The following COL5A2 variants were observed in gnomAD, a reference collection of about 807,000 sequenced individuals.
COL5A2 encodes the protein collagen type V alpha 2 chain.
A neutral mutation model predicts 208.2 loss-of-function variants in COL5A2; 23 were observed. That is an observed-to-expected ratio of 0.11 (90% CI 0.08 to 0.16). The LOEUF is 0.16. Ranked by LOEUF, COL5A2 falls within the 10% of genes least tolerant of loss-of-function variation. COL5A2 has a pLI of 1.00. For synonymous variants in COL5A2, 625 were observed against 628.5 expected (o/e 0.99, Z 0.08); for missense variants, 1,590 against 1,956.4 (o/e 0.81, Z 3.53).
rs1131518 is a variant in COL5A2 at position 189,033,678 on chromosome 2, A to G, written c.*392T>C. 24,374 of 265,014 alleles carry G rather than the reference A, an allele frequency of 0.092. 1,376 individuals are homozygous for G. The highest frequency in any genetic ancestry group is 0.16 in the South Asian group (3,830 of 23,548). 16.4% of individuals were successfully genotyped at this position (265,014 alleles called of 1,614,324 possible). ...CAAAATAAACATGTGTTGTGGCTCT[A>G]TATACCCCACTCTTTAAGCTACCTG... On this transcript the variant is annotated 3_prime_UTR_variant, in exon 54 of 54. Transcript: ENST00000374866.
chr2:189,139,971 G>C (rs1687904865), intron 1 of COL5A2, among the ~76,000 whole-genome samples: 1 of 151,998 alleles, frequency 6.6e-6, no homozygotes, highest in East Asian at 1.9e-4. Flanking sequence ...TGCTCAGGAG[G>C]CTGAGGCAGA....
At chr2:189,051,628 TAAACAAAACA>T in intron 41 of COL5A2, 147 bp from the exon 42 acceptor site, 1 of 626,560 alleles carries the variant, frequency 1.6e-6, no homozygotes, top group Non-Finnish European at 2.5e-6. Context: ...CTATAGGATT[TAAACAAAACA>T]AAACAAAAGA....
the COL5A2 span, among the ~76,000 whole-genome samples, chr2:189,437,906 A>C: frequency 6.6e-6 from 1 of 152,300 alleles, no homozygotes; most frequent in South Asian, 2.1e-4. Context: ...GTTGAAGGGA[A>C]CAGAAACATA....
the COL5A2 span, among the ~76,000 whole-genome samples, chr2:189,289,358 A>C: frequency 2.6e-5 from 4 of 152,194 alleles, no homozygotes; most frequent in African/African-American, 9.6e-5. Flanking sequence ...AGAAAAAAGA[A>C]AAAAAGAAAA....
rs755629261 is a variant in COL5A2, at chr2:189,057,066, T to A, written c.2338-40A>T. The A allele has an allele frequency of 1.0e-5, 16 of 1,591,704 alleles. No individual in the cohort carries two copies. In the South Asian group the frequency reaches 1.8e-4, roughly 18 times the overall value. On this transcript the variant is annotated intron_variant, in intron 34 of 53. Transcript: ENST00000374866. ...AAAATACAATTGATTCATTTAATTG[T>A]CTCTTTCCCACACTTGTGTGTAAGT...
At chr2:189,434,869 G>T in the COL5A2 span, among the ~76,000 whole-genome samples, 1 of 152,134 alleles carries the variant, frequency 6.6e-6, no homozygotes, top group Non-Finnish European at 1.5e-5. Context: ...TCATTGCCAA[G>T]ACAATCCTAA....
intron 1 of COL5A2, among the ~76,000 whole-genome samples, chr2:189,147,141 G>A (rs1270733985): frequency 2.6e-5 from 4 of 152,058 alleles, no homozygotes; most frequent in African/African-American, 9.7e-5. Context: ...TTCTTTTGAC[G>A]ATTTCAACAC....
intron 1 of COL5A2, among the ~76,000 whole-genome samples, chr2:189,188,543 C>T (rs1048153774): frequency 1.3e-5 from 2 of 152,156 alleles, no homozygotes; most frequent in African/African-American, 2.4e-5. Flanking sequence ...TTGGAATAGA[C>T]AATTCTCTGT....
chr2:189,340,946 T>C, the COL5A2 span, among the ~76,000 whole-genome samples: 1 of 152,180 alleles, frequency 6.6e-6, no homozygotes, highest in Non-Finnish European at 1.5e-5. Context: ...AATTATTCAT[T>C]TAACCAAAGT....
chr2:189,145,803 GA>G (rs1263400324), intron 1 of COL5A2, among the ~76,000 whole-genome samples: 2 of 151,922 alleles, frequency 1.3e-5, no homozygotes, highest in East Asian at 1.9e-4. Context: ...TTCTGAAAAG[GA>G]AAAAAAGGAG....
chr2:189,295,809 C>T, the COL5A2 span, among the ~76,000 whole-genome samples: 425 of 152,218 alleles, frequency 2.8e-3, 3 homozygotes, highest in African/African-American at 0.01. Flanking sequence ...TTGAGATCTA[C>T]AAAGAGTAAA....
chr2:189,286,597 T>C, the COL5A2 span, among the ~76,000 whole-genome samples: 1 of 152,156 alleles, frequency 6.6e-6, no homozygotes, highest in African/African-American at 2.4e-5. Flanking sequence ...AGTAGTGAGA[T>C]ACAGGCATAA....
chr2:189,067,612 C>G (rs1341231000), intron 21 of COL5A2, among the ~76,000 whole-genome samples: 2 of 152,094 alleles, frequency 1.3e-5, no homozygotes, highest in Non-Finnish European at 2.9e-5. Flanking sequence ...TTGAATCACT[C>G]TTTAACAATA....
chr2:189,253,953 T>C, the COL5A2 span, among the ~76,000 whole-genome samples: 2 of 152,242 alleles, frequency 1.3e-5, no homozygotes, highest in Non-Finnish European at 2.9e-5. Flanking sequence ...AACTGTTTAA[T>C]GATTCACTCA....
intron 1 of COL5A2, among the ~76,000 whole-genome samples, chr2:189,177,325 T>C (rs1688695660): frequency 6.6e-6 from 1 of 152,218 alleles, no homozygotes; most frequent in Non-Finnish European, 1.5e-5. Flanking sequence ...ATGGAGTTTC[T>C]AAATTATGAC....
At chr2:189,340,823 T>A in the COL5A2 span, among the ~76,000 whole-genome samples, 1 of 152,226 alleles carries the variant, frequency 6.6e-6, no homozygotes, top group East Asian at 1.9e-4. Flanking sequence ...GACCCAGGAG[T>A]CAAAACCTGG....
chr2:189,140,117 C>T (rs17270952), intron 1 of COL5A2, among the ~76,000 whole-genome samples: 27,211 of 151,796 alleles, frequency 0.18, 2,854 homozygotes, highest in Non-Finnish European at 0.23. Context: ...TAAATCATGT[C>T]CAAAATACAA....
At chr2:189,269,660 C>T in the COL5A2 span, among the ~76,000 whole-genome samples, 64 of 152,074 alleles carry the variant, frequency 4.2e-4, no homozygotes, top group Middle Eastern at 3.4e-3. Context: ...TGAGGATTTT[C>T]GCATCAATGT....
At chr2:189,395,329 G>GA in the COL5A2 span, among the ~76,000 whole-genome samples, 1 of 152,028 alleles carries the variant, frequency 6.6e-6, no homozygotes, top group African/African-American at 2.4e-5. Flanking sequence ...ACAGAAACTG[G>GA]AAAAAATGTT....
Sources: allele counts gnomAD v4.1 joint callset (sites outside exome capture counted in the v4.1 genomes callset), GRCh38; gene constraint gnomAD v4.1.1; transcripts MANE v1.5; gene names NCBI Gene and HGNC (gene_info 2026-07-23, HGNC 2026-07-21).